Variants in CAD observed in about 807,000 individuals in gnomAD.
The protein encoded by CAD is multifunctional protein CAD.
Under a neutral mutation model 237.2 loss-of-function variants are expected in CAD, and 81 were observed. The observed-to-expected ratio is 0.34, with a 90% CI of 0.29 to 0.41. The LOEUF (loss-of-function observed/expected upper bound fraction) is 0.41. Among genes scored for constraint, CAD ranks in the 10% least tolerant of loss-of-function variants. The pLI, the probability that CAD is intolerant of heterozygous loss-of-function variation, is 1.00. For synonymous variants in CAD, 1,196 were observed against 1,162.8 expected (o/e 1.03, Z -0.58); for missense variants, 2,181 against 2,951.7 (o/e 0.74, Z 6.05).
Position 27,237,433 on chromosome 2 carries a change from A to G in CAD, c.4451A>G (p.Asp1484Gly), listed in dbSNP as rs1430959701. Residue 1484 changes from aspartate (D) to glycine (G), a missense_variant, in exon 28 of 44, where the codon GAC becomes GGC. By Grantham distance (94) the Asp-to-Gly change is moderately conservative (BLOSUM62 -1). Transcript: ENST00000264705. This position sits in a 1 kb window ranked among gnomAD's most constrained non-coding sequence, Gnocchi z 4.0. Reference sequence around the variant, plus strand: ...GAACCAGGTGGGACACATAAGGAGGACTTTGCTTCAGGCACAGCCGCTGCC... The same window carrying G: ...GAACCAGGTGGGACACATAAGGAGGGCTTTGCTTCAGGCACAGCCGCTGCC... The part of the protein sequence containing the change: ...LREPGGTHKE[D>G]FASGTAAALA... The G allele has an allele frequency of 6.2e-7, 1 of 1,614,074 alleles. No homozygotes were observed. The highest frequency in any genetic ancestry group is 8.5e-7 in the Non-Finnish European group (1 of 1,179,994).
At position 27,233,229 on chromosome 2, in the gene CAD, C is replaced by T. The variant is rs1207210010; in HGVS notation, c.2992-83C>T. Reference sequence around the variant, plus strand: ...CCTAAGATTCTTTGAAACTTGGTGGCGGCTGAGGGAAGCAGTGAGCAGGAA... The same window carrying T: ...CCTAAGATTCTTTGAAACTTGGTGGTGGCTGAGGGAAGCAGTGAGCAGGAA... On this transcript the variant is annotated intron_variant, in intron 19 of 43. Transcript: ENST00000264705. This position sits in a 1 kb window ranked among gnomAD's most constrained non-coding sequence, Gnocchi z 6.3. 7 of 1,507,318 alleles carry T rather than the reference C, an allele frequency of 4.6e-6. No individual in the cohort carries two copies. The highest frequency in any genetic ancestry group is 1.7e-5 in the Admixed American group (1 of 58,868). 93.4% of individuals were successfully genotyped at this position (1,507,318 alleles called of 1,614,324 possible). A position where few individuals can be genotyped will look rare whatever the true frequency, so the allele number is the denominator to read the frequency against.
chr2:27,235,515 C>T lies in CAD; in HGVS notation c.3970-21C>T, dbSNP rs763119600. 1 of 1,613,672 alleles carries T rather than the reference C, an allele frequency of 6.2e-7. No homozygotes were observed. Among genetic ancestry groups the T allele is most frequent in the Non-Finnish European group, 8.5e-7 (1 of 1,179,644 alleles). Reference sequence around the variant, plus strand: ...ATGGAAGACAGGAAGAAAACAATTTCATCCTTCTGTTTGGTTTCAGAACAA... The same window carrying T: ...ATGGAAGACAGGAAGAAAACAATTTTATCCTTCTGTTTGGTTTCAGAACAA... On this transcript the variant is annotated intron_variant, in intron 24 of 43. Coordinates refer to ENST00000264705, the MANE Select transcript of CAD (RefSeq NM_004341.5). This position sits in a 1 kb window ranked among gnomAD's most constrained non-coding sequence, Gnocchi z 5.2.
chr2:27,238,705 C>T lies in CAD; in HGVS notation c.5062+73C>T, dbSNP rs138381242. The T allele has an allele frequency of 1.8e-4, 251 of 1,394,022 alleles. 2 individuals are homozygous for T. Among genetic ancestry groups the T allele is most frequent in the South Asian group, 7.0e-4 (53 of 75,528 alleles). The allele number at this position is 1,394,022 out of a possible 1,614,324, so 86.4% of individuals were successfully genotyped here. ...ACAGCCCTAGCAAGAAAATGGGAAG[C>T]AGGCCAGGCCTCAGGACTCTACTAG... On this transcript the variant is annotated intron_variant, in intron 31 of 43. Transcript: ENST00000264705.
rs1032135362 is a variant in CAD at position 27,231,638 on chromosome 2, C to T, written c.2400+58C>T. On this transcript the variant is annotated intron_variant, in intron 16 of 43. Coordinates refer to ENST00000264705, the MANE Select transcript of CAD (RefSeq NM_004341.5). Reference sequence around the variant, plus strand: ...AAAATAGACCCTGCTTCTCATCGCCCCCAGACCATGAGCTTGTTACCAGTA... The same window carrying T: ...AAAATAGACCCTGCTTCTCATCGCCTCCAGACCATGAGCTTGTTACCAGTA... The T allele has an allele frequency of 2.1e-5, 22 of 1,037,756 alleles. No individual in the cohort carries two copies. The African/African-American group carries it at 3.0e-4, about 14-fold the overall frequency. The allele number at this position is 1,037,756 out of a possible 1,614,324, so 64.3% of individuals were successfully genotyped here.
At chr2:27,229,292 G>A (rs1675608097) in intron 15 of CAD, among the ~76,000 whole-genome samples, 1 of 151,614 alleles carries the variant, frequency 6.6e-6, no homozygotes, top group African/African-American at 2.4e-5. Context: ...TTTTTAATAC[G>A]GAGTTTTATT....
At chr2:27,220,014 ACT>A (rs1315889891) in intron 2 of CAD, among the ~76,000 whole-genome samples, 2 of 151,902 alleles carry the variant, frequency 1.3e-5, no homozygotes, top group African/African-American at 2.4e-5. Context: ...TTTTAATCAC[ACT>A]CTATAATTAA....
At chr2:27,226,090 ACT>A (rs1452572319) in intron 12 of CAD, 39 bp from the exon 13 acceptor site, 1 of 1,591,358 alleles carries the variant, frequency 6.3e-7, no homozygotes, top group Admixed American at 1.7e-5. Flanking sequence ...GCCTCTCCTG[ACT>A]CTGCTTGGCA....
At chr2:27,238,902 G>C in intron 31 of CAD, 140 bp from the exon 32 acceptor site, 1 of 870,394 alleles carries the variant, frequency 1.1e-6, no homozygotes, top group Non-Finnish European at 1.8e-6. Context: ...TGTTGCCCTT[G>C]TTTCTAGTTC....
rs1168505750 is a variant in CAD at position 27,241,651 on chromosome 2, A to G, written c.5883+255A>G. On this transcript the variant is annotated intron_variant, in intron 38 of 43. Transcript: ENST00000264705. This position sits in a 1 kb window ranked among gnomAD's most constrained non-coding sequence, Gnocchi z 4.6. ...TCTTCTGGTCTGGGCTGCTGCAATC[A>G]TGGGAGAGAGCTAGGGTGTGTCCTC... 2.6e-5 allele frequency among the ~76,000 whole-genome samples: 4 copies of G among 152,216 alleles called. No individual in the cohort carries two copies. The highest frequency in any genetic ancestry group is 9.6e-5 in the African/African-American group (4 of 41,452).
chr2:27,226,487 G>T (rs1409274877), intron 13 of CAD, 38 bp from the exon 14 acceptor site: 5 of 1,608,108 alleles, frequency 3.1e-6, no homozygotes, highest in Non-Finnish European at 4.3e-6. Flanking sequence ...CCTAGACAGG[G>T]TCTTCTAGGC....
chr2:27,229,198 A>G (rs561308538), intron 15 of CAD, among the ~76,000 whole-genome samples: 1 of 152,154 alleles, frequency 6.6e-6, no homozygotes, highest in South Asian at 2.1e-4. Context: ...GATTACAGGC[A>G]TGAGTCACCA....
intron 4 of CAD, 48 bp from the exon 5 acceptor site, chr2:27,222,471 C>A: frequency 6.2e-7 from 1 of 1,602,486 alleles, no homozygotes. Flanking sequence ...ATCTTATACC[C>A]ACTGAGCACA....
At position 27,224,339 on chromosome 2, in the gene CAD, C is replaced by T; in HGVS notation, c.1109-6C>T. The T allele has an allele frequency of 6.2e-7, 1 of 1,614,160 alleles. No individual in the cohort carries two copies. ...TAACATTCTACGACCTTCTTTGCTTCCACAGTTAGAGAGCGGCTGACTGAG... is the reference window on the plus strand; with the variant it reads ...TAACATTCTACGACCTTCTTTGCTTTCACAGTTAGAGAGCGGCTGACTGAG... On this transcript the variant is annotated splice_polypyrimidine_tract_variant and splice_region_variant and intron_variant, in intron 8 of 43. Coordinates refer to ENST00000264705, the MANE Select transcript of CAD (RefSeq NM_004341.5).
intron 1 of CAD, 75 bp from the exon 2 acceptor site, chr2:27,217,802 C>T (rs1371589499): frequency 2.6e-6 from 4 of 1,515,084 alleles, no homozygotes; most frequent in East Asian, 4.6e-5. Flanking sequence ...GCAGCCTCCA[C>T]TGGGGCGTGC....
chr2:27,233,974 GC>G lies in CAD; in HGVS notation c.3400-31del. On this transcript the variant is annotated intron_variant, in intron 21 of 43. Transcript: ENST00000264705. This position sits in a 1 kb window ranked among gnomAD's most constrained non-coding sequence, Gnocchi z 6.3. ...CTAGAGTAAGTGAGAGAAGAAAGTGGCCCTATGTCCCACTGTCTGTGTCCCC... is the reference window on the plus strand; with the variant it reads ...CTAGAGTAAGTGAGAGAAGAAAGTGGCCTATGTCCCACTGTCTGTGTCCCC... The G allele has an allele frequency of 6.3e-7, 1 of 1,593,870 alleles. No individual in the cohort carries two copies. The highest frequency in any genetic ancestry group is 1.1e-5 in the South Asian group (1 of 89,910).
chr2:27,229,496 A>G (rs968092767), intron 15 of CAD, among the ~76,000 whole-genome samples: 3 of 151,974 alleles, frequency 2.0e-5, no homozygotes, highest in Non-Finnish European at 2.9e-5. Context: ...GCTGGTCTCA[A>G]TCTGCCTTAG....
intron 15 of CAD, among the ~76,000 whole-genome samples, chr2:27,228,750 C>T (rs1675566776): frequency 6.6e-6 from 1 of 151,948 alleles, no homozygotes; most frequent in African/African-American, 2.4e-5. Context: ...TGCCATCACG[C>T]CTGGCTAATT....
rs1350446328 is a variant in CAD at position 27,224,327 on chromosome 2, C to A, written c.1109-18C>A. On this transcript the variant is annotated intron_variant, in intron 8 of 43. Transcript: ENST00000264705. ...CCAGCTCAGCTCTAACATTCTACGA[C>A]CTTCTTTGCTTCCACAGTTAGAGAG... The A allele has an allele frequency of 6.2e-7, 1 of 1,613,900 alleles. No homozygotes were observed. Among genetic ancestry groups the A allele is most frequent in the East Asian group, 2.2e-5 (1 of 44,900 alleles).
intron 2 of CAD, among the ~76,000 whole-genome samples, chr2:27,220,850 C>T (rs2043921): frequency 0.22 from 33,801 of 151,614 alleles, 4,190 homozygotes; most frequent in Admixed American, 0.36. Flanking sequence ...CCCAGCTACT[C>T]GGGAGGCTAA....
Sources: allele counts gnomAD v4.1 joint callset (sites outside exome capture counted in the v4.1 genomes callset), GRCh38; gene constraint gnomAD v4.1.1; non-coding constraint Gnocchi (gnomAD v3.1); transcripts MANE v1.5; gene names NCBI Gene and HGNC (gene_info 2026-07-23, HGNC 2026-07-21).